BACE2: variants seen among roughly 807,000 people sequenced by gnomAD.
BACE2 encodes the protein beta-secretase 2.
BACE2 carries 17 observed loss-of-function variants against 46.2 expected under a neutral mutation model. That is an observed-to-expected ratio of 0.37 (90% CI 0.25 to 0.55). The LOEUF is 0.55. BACE2 is among the 20% of genes least tolerant of loss of function. The pLI, the probability that BACE2 is intolerant of heterozygous loss-of-function variation, is 0.82. For missense variants in BACE2, 595 were observed against 698.1 expected (o/e 0.85, Z 1.66); for synonymous variants, 277 against 295.9 (o/e 0.94, Z 0.66).
intron 1 of BACE2, among the ~76,000 whole-genome samples, chr21:41,188,158 G>C (rs9978829): frequency 6.6e-6 from 1 of 152,018 alleles, no homozygotes; most frequent in Non-Finnish European, 1.5e-5. Flanking sequence ...CAGAATGGTC[G>C]GGCTGCAGGC....
At chr21:41,215,947 G>T (rs973268472) in intron 1 of BACE2, among the ~76,000 whole-genome samples, 2 of 152,146 alleles carry the variant, frequency 1.3e-5, no homozygotes, top group African/African-American at 2.4e-5. Flanking sequence ...ACCCAAAGAG[G>T]CAGGAAATAA....
chr21:41,227,138 G>A (rs766308726), intron 2 of BACE2, among the ~76,000 whole-genome samples: 2 of 152,240 alleles, frequency 1.3e-5, no homozygotes, highest in Non-Finnish European at 2.9e-5. Flanking sequence ...TGCTGTGCAC[G>A]TTTTGATGTC....
In BACE2 at chr21:41,224,209, A is replaced by ATTTTTTTTTT. The variant is rs10658440; in HGVS notation, c.313-2043_313-2034dup. ...CCTAGGCAAAAACTTGCCTATTTTG[A>ATTTTTTTTTT]TTTTTTTTTTTTTTTTTTTTTTTGA... On this transcript the variant is annotated intron_variant, in intron 1 of 8. Coordinates refer to ENST00000330333, the MANE Select transcript of BACE2 (RefSeq NM_012105.5). 3.2e-4 allele frequency among the ~76,000 whole-genome samples: 32 copies of ATTTTTTTTTT among 98,896 alleles called. 1 individual carries two copies. Among genetic ancestry groups the ATTTTTTTTTT allele is most frequent in the African/African-American group, 5.8e-4 (13 of 22,298 alleles). The allele number at this position is 98,896 out of a possible 152,430, so 64.9% of individuals were successfully genotyped here.
At chr21:41,221,641 C>T (rs556153766) in intron 1 of BACE2, among the ~76,000 whole-genome samples, 99 of 152,058 alleles carry the variant, frequency 6.5e-4, no homozygotes, top group South Asian at 3.1e-3. Context: ...CTGGCTAACA[C>T]GGTGAAACCC....
chr21:41,226,601 C>T (rs1478955471), intron 2 of BACE2, among the ~76,000 whole-genome samples: 1 of 152,214 alleles, frequency 6.6e-6, no homozygotes, highest in African/African-American at 2.4e-5. Flanking sequence ...TTCTAAAAAT[C>T]CAAGTCAAAC....
At chr21:41,239,104 G>A (rs1038401167) in intron 3 of BACE2, among the ~76,000 whole-genome samples, 1 of 151,166 alleles carries the variant, frequency 6.6e-6, no homozygotes, top group Non-Finnish European at 1.5e-5. Flanking sequence ...GATTGCTGGA[G>A]CAATAGGCCC....
intron 8 of BACE2, among the ~76,000 whole-genome samples, chr21:41,270,296 T>C (rs1262857849): frequency 6.6e-6 from 1 of 152,236 alleles, no homozygotes; most frequent in African/African-American, 2.4e-5. Context: ...CTGTTAATAT[T>C]TTCTATTAAA....
chr21:41,206,678 A>G (rs544006811), intron 1 of BACE2, among the ~76,000 whole-genome samples: 2 of 152,350 alleles, frequency 1.3e-5, no homozygotes, highest in South Asian at 2.1e-4. Flanking sequence ...TCAGTTTTGT[A>G]AAATGAAGTG....
At chr21:41,199,632 C>T (rs1295904684) in intron 1 of BACE2, among the ~76,000 whole-genome samples, 1 of 152,116 alleles carries the variant, frequency 6.6e-6, no homozygotes, top group Non-Finnish European at 1.5e-5. Context: ...TAATTCAGCT[C>T]AGAAGGGCAA....
chr21:41,216,798 G>A (rs1986482773), intron 1 of BACE2, among the ~76,000 whole-genome samples: 1 of 152,238 alleles, frequency 6.6e-6, no homozygotes, highest in Admixed American at 6.5e-5. Context: ...TGACCGGCCG[G>A]GTGTGGGATC....
At chr21:41,229,295 A>G (rs920620028) in intron 2 of BACE2, among the ~76,000 whole-genome samples, 3 of 152,208 alleles carry the variant, frequency 2.0e-5, no homozygotes, top group African/African-American at 7.2e-5. Flanking sequence ...TCGTTTAGCA[A>G]TTCTTTCCCA....
intron 1 of BACE2, among the ~76,000 whole-genome samples, chr21:41,171,446 G>T (rs915293525): frequency 6.6e-6 from 1 of 152,220 alleles, no homozygotes; most frequent in African/African-American, 2.4e-5. Context: ...GGAGTCACAG[G>T]CATGTGCCCG....
chr21:41,233,195 A>C (rs1441594211), intron 2 of BACE2, among the ~76,000 whole-genome samples: 1 of 152,230 alleles, frequency 6.6e-6, no homozygotes, highest in African/African-American at 2.4e-5. Context: ...GCAGCAAATG[A>C]TTAATTATAA....
At chr21:41,236,891 T>C (rs1042348043) in intron 2 of BACE2, among the ~76,000 whole-genome samples, 42 of 152,362 alleles carry the variant, frequency 2.8e-4, no homozygotes, top group African/African-American at 8.9e-4. Flanking sequence ...ACCTGACTTA[T>C]AGGGTTTAAC....
At chr21:41,227,266 G>A (rs994079623) in intron 2 of BACE2, among the ~76,000 whole-genome samples, 1 of 152,224 alleles carries the variant, frequency 6.6e-6, no homozygotes, top group Non-Finnish European at 1.5e-5. Context: ...CTGACATGCT[G>A]GTTTGTTTTT....
At chr21:41,243,760 G>A (rs1309970292) in intron 5 of BACE2, among the ~76,000 whole-genome samples, 4 of 152,184 alleles carry the variant, frequency 2.6e-5, no homozygotes, top group African/African-American at 7.2e-5. Flanking sequence ...AATGGTGAGT[G>A]AAGAGGACTA....
At chr21:41,207,065 A>G (rs925025170) in intron 1 of BACE2, among the ~76,000 whole-genome samples, 9 of 152,250 alleles carry the variant, frequency 5.9e-5, no homozygotes, top group African/African-American at 2.4e-5. Context: ...AAAAGAGAAC[A>G]TTTAGTGAAA....
intron 8 of BACE2, among the ~76,000 whole-genome samples, chr21:41,272,856 T>C (rs762153302): frequency 2.0e-5 from 3 of 152,232 alleles, no homozygotes; most frequent in Non-Finnish European, 2.9e-5. Flanking sequence ...TCAATGTTTA[T>C]GTCCTGCCAA....
At position 41,232,890 on chromosome 21, in the gene BACE2, A is replaced by G. The variant is rs375851638; in HGVS notation, c.402-4623A>G. ...TGAATTTTTTTTTTTTTTTTTTGAG[A>G]CAGAGTCTCGCTCTGTTGCCCAGGC... On this transcript the variant is annotated intron_variant, in intron 2 of 8. Transcript: ENST00000330333. 1.3e-4 allele frequency among the ~76,000 whole-genome samples: 19 copies of G among 141,190 alleles called. 1 individual carries two copies. Among genetic ancestry groups the G allele is most frequent in the South Asian group, 8.9e-4 (4 of 4,478 alleles). The allele number at this position is 141,190 out of a possible 152,430, so 92.6% of individuals were successfully genotyped here.
Sources: gnomAD v4.1 joint callset for allele counts (sites outside exome capture counted in the v4.1 genomes callset) on GRCh38, gnomAD v4.1.1 for gene constraint, MANE v1.5 for transcripts, NCBI Gene and HGNC (gene_info 2026-07-23, HGNC 2026-07-21) for gene names.